The following FANCC variants were observed in gnomAD, a reference collection of about 807,000 sequenced individuals.
FANCC encodes Fanconi anemia group C protein.
FANCC carries 55 observed loss-of-function variants against 71.3 expected under a neutral mutation model. The ratio of observed to expected loss-of-function variants is 0.77; its 90% CI spans 0.62 to 0.97. The LOEUF is 0.97. Among genes scored for constraint, FANCC ranks in the 50% least tolerant of loss-of-function variants. The pLI is 0.00. For missense variants in FANCC, 678 were observed against 670.9 expected (o/e 1.01, Z -0.12); for synonymous variants, 275 against 244.9 (o/e 1.12, Z -1.15).
chr9:95,264,970 TG>T lies in FANCC; in HGVS notation c.-78-15602del, dbSNP rs538464213. On this transcript the variant is annotated intron_variant, in intron 1 of 14. Transcript: ENST00000289081. ...AGGGTAAGACTGGTCAATTTACCCCTGTGTTTGTGGCTTTTTTTTTTTTTTT... is the reference window on the plus strand; with the variant it reads ...AGGGTAAGACTGGTCAATTTACCCCTTGTTTGTGGCTTTTTTTTTTTTTTT... Among the ~76,000 whole-genome samples the T allele has an allele frequency of 1.4e-3, 208 of 151,508 alleles. 1 individual carries two copies. Among genetic ancestry groups the T allele is most frequent in the African/African-American group, 4.9e-3 (202 of 41,332 alleles).
intron 4 of FANCC, among the ~76,000 whole-genome samples, chr9:95,220,382 G>C (rs915935861): frequency 6.6e-6 from 1 of 152,190 alleles, no homozygotes; most frequent in Non-Finnish European, 1.5e-5. Flanking sequence ...ACACCCAAAG[G>C]ATTATAAATC....
intron 6 of FANCC, among the ~76,000 whole-genome samples, chr9:95,160,432 C>T (rs532440247): frequency 2.2e-4 from 34 of 152,148 alleles, no homozygotes; most frequent in Non-Finnish European, 2.8e-4. Context: ...TTACTACAGA[C>T]TTGTAGTACA....
At position 95,297,584 on chromosome 9, in the gene FANCC, A is replaced by G. The variant is rs4647375; in HGVS notation, c.-79+19942T>C. 8.8e-3 allele frequency among the ~76,000 whole-genome samples: 1,343 copies of G among 152,288 alleles called. 23 individuals carry two copies. The highest frequency in any genetic ancestry group is 0.031 in the African/African-American group (1,277 of 41,542). ...GGAAAGGCTGTGGTGTTATCTAATT[A>G]CCTCCATTACTTTATTTGTGTAAGA... is the stretch of plus-strand genomic sequence containing the variant. On this transcript the variant is annotated intron_variant, in intron 1 of 14. Coordinates refer to ENST00000289081, the MANE Select transcript of FANCC (RefSeq NM_000136.3).
At chr9:95,131,091 A>G (rs915006800) in intron 8 of FANCC, among the ~76,000 whole-genome samples, 1 of 152,248 alleles carries the variant, frequency 6.6e-6, no homozygotes, top group Non-Finnish European at 1.5e-5. Flanking sequence ...TGTTGTTTAT[A>G]CACAAACAAT....
chr9:95,140,138 G>T (rs2135267207), intron 7 of FANCC, among the ~76,000 whole-genome samples: 1 of 151,984 alleles, frequency 6.6e-6, no homozygotes, highest in Admixed American at 6.5e-5. Flanking sequence ...TAGGAAATGG[G>T]GTGGACATTT....
intron 1 of FANCC, among the ~76,000 whole-genome samples, chr9:95,285,047 C>T (rs1374181269): frequency 6.6e-6 from 1 of 151,570 alleles, no homozygotes; most frequent in African/African-American, 2.4e-5. Flanking sequence ...ATTTTGATAT[C>T]TAGAAGAACA....
At chr9:95,281,242 T>G (rs1034223288) in intron 1 of FANCC, among the ~76,000 whole-genome samples, 1 of 151,992 alleles carries the variant, frequency 6.6e-6, no homozygotes, top group Non-Finnish European at 1.5e-5. Context: ...CCCCACAACA[T>G]ATTATAATCA....
intron 4 of FANCC, among the ~76,000 whole-genome samples, chr9:95,181,159 T>TTG (rs10692344): frequency 0.029 from 4,242 of 148,330 alleles, 149 homozygotes; most frequent in African/African-American, 0.085. Context: ...CACGTACACA[T>TTG]TGTGTGTGTG....
chr9:95,251,664 G>C (rs764652906), intron 1 of FANCC, among the ~76,000 whole-genome samples: 21 of 152,072 alleles, frequency 1.4e-4, no homozygotes, highest in Non-Finnish European at 7.4e-5. Context: ...AAATTTTAAG[G>C]TATTTTTATG....
At chr9:95,180,415 C>T (rs1156622834) in intron 4 of FANCC, among the ~76,000 whole-genome samples, 1 of 142,884 alleles carries the variant, frequency 7.0e-6, no homozygotes, top group Non-Finnish European at 1.5e-5. Flanking sequence ...TCACAGTTCG[C>T]TGCAACTTTC....
At chr9:95,300,100 G>A (rs1254663901) in intron 1 of FANCC, among the ~76,000 whole-genome samples, 1 of 152,104 alleles carries the variant, frequency 6.6e-6, no homozygotes, top group African/African-American at 2.4e-5. Flanking sequence ...CCCAAATATA[G>A]GGAATAAAAA....
At chr9:95,305,763 G>A (rs564960378) in intron 1 of FANCC, among the ~76,000 whole-genome samples, 1 of 152,240 alleles carries the variant, frequency 6.6e-6, no homozygotes, top group East Asian at 1.9e-4. Flanking sequence ...CCATACTTCA[G>A]GTTAAAAGTA....
chr9:95,133,192 A>G (rs1827170368), intron 8 of FANCC, among the ~76,000 whole-genome samples: 1 of 152,248 alleles, frequency 6.6e-6, no homozygotes, highest in African/African-American at 2.4e-5. Context: ...TCACAGGCCT[A>G]TTGCGGCCTG....
chr9:95,227,235 C>G (rs1829676081), intron 4 of FANCC, among the ~76,000 whole-genome samples: 1 of 152,116 alleles, frequency 6.6e-6, no homozygotes. Flanking sequence ...GGTCCTTTTT[C>G]CTTTGTCTTT....
intron 8 of FANCC, among the ~76,000 whole-genome samples, chr9:95,133,497 C>T (rs2135129225): frequency 6.6e-6 from 1 of 152,318 alleles, no homozygotes; most frequent in South Asian, 2.1e-4. Context: ...AAACTGGAGA[C>T]TGAGCATTAT....
chr9:95,195,240 A>G (rs1243776666), intron 4 of FANCC, among the ~76,000 whole-genome samples: 1 of 111,630 alleles, frequency 9.0e-6, no homozygotes, highest in East Asian at 2.6e-4. Flanking sequence ...GCCTAGTTCC[A>G]GAGCCTTTTT....
chr9:95,288,208 A>G (rs1346758387), intron 1 of FANCC, among the ~76,000 whole-genome samples: 2 of 152,172 alleles, frequency 1.3e-5, no homozygotes, highest in Non-Finnish European at 2.9e-5. Context: ...TGTTTCAGCA[A>G]TAATAATTTG....
rs117297939 is a variant in FANCC, at chr9:95,221,901, G to C, written c.345+18748C>G. 3.2e-3 allele frequency among the ~76,000 whole-genome samples: 481 copies of C among 152,248 alleles called. 9 individuals are homozygous for C. The East Asian group carries it at 0.043, about 14-fold the overall frequency. The stretch of plus-strand genomic sequence containing the variant: ...ATGTACAGCTACTGGAACTCTCATA[G>C]GTTGGTGGTGAGAATGTAAACCATT... On this transcript the variant is annotated intron_variant, in intron 4 of 14. Coordinates refer to ENST00000289081, the MANE Select transcript of FANCC (RefSeq NM_000136.3).
intron 7 of FANCC, among the ~76,000 whole-genome samples, chr9:95,138,603 C>T (rs1828087450): frequency 1.3e-5 from 2 of 152,202 alleles, no homozygotes. Context: ...ATCCATGTAA[C>T]ACGAATCTGT....
Sources: allele counts gnomAD v4.1 joint callset (sites outside exome capture counted in the v4.1 genomes callset), GRCh38; gene constraint gnomAD v4.1.1; transcripts MANE v1.5; gene names NCBI Gene and HGNC (gene_info 2026-07-23, HGNC 2026-07-21).